The following SMYD3 variants were observed in gnomAD, a reference collection of about 807,000 sequenced individuals.
SMYD3 encodes histone-lysine N-methyltransferase SMYD3.
SMYD3 carries 36 observed loss-of-function variants against 57.7 expected under a neutral mutation model. The observed-to-expected ratio is 0.62, with a 90% CI of 0.48 to 0.82. The LOEUF is 0.82. SMYD3 is among the 40% of genes least tolerant of loss of function. The pLI is 0.00. For missense variants in SMYD3, 515 were observed against 538.8 expected (o/e 0.96, Z 0.44); for synonymous variants, 211 against 195.0 (o/e 1.08, Z -0.68).
intron 10 of SMYD3, among the ~76,000 whole-genome samples, chr1:245,815,523 C>T (rs2048755193): frequency 6.6e-6 from 1 of 152,192 alleles, no homozygotes; most frequent in Non-Finnish European, 1.5e-5. Context: ...GGGGCCTAGC[C>T]CCCAAGTGAC....
intron 5 of SMYD3, among the ~76,000 whole-genome samples, chr1:246,245,120 C>CTTTTTTTTTTTTTTTTTTTTTTTTTTTTT (rs74163421): frequency 3.3e-5 from 4 of 122,966 alleles, no homozygotes; most frequent in Non-Finnish European, 5.1e-5. Context: ...CAGCTACTGC[C>CTTTTTTTTTTTTTTTTTTTTTTTTTTTTT]TTTTTTTTTT....
At chr1:246,313,455 C>T (rs1228942038) in intron 5 of SMYD3, among the ~76,000 whole-genome samples, 1 of 152,226 alleles carries the variant, frequency 6.6e-6, no homozygotes, top group East Asian at 1.9e-4. Context: ...TGCCACCCAT[C>T]GGGGAAGGAA....
intron 1 of SMYD3, among the ~76,000 whole-genome samples, chr1:246,449,204 G>A (rs749407208): frequency 2.6e-5 from 4 of 151,988 alleles, no homozygotes; most frequent in Non-Finnish European, 5.9e-5. Context: ...TGCACTCCAC[G>A]TGGTCAACAG....
At chr1:245,918,548 G>A (rs2055619948) in intron 7 of SMYD3, among the ~76,000 whole-genome samples, 1 of 152,192 alleles carries the variant, frequency 6.6e-6, no homozygotes, top group African/African-American at 2.4e-5. Flanking sequence ...TCTGAAGCCA[G>A]GGTTGCCTCT....
intron 10 of SMYD3, among the ~76,000 whole-genome samples, chr1:245,845,649 C>G (rs80214265): frequency 1.3e-5 from 2 of 152,220 alleles, no homozygotes; most frequent in African/African-American, 4.8e-5. Context: ...GTGGGTCCTG[C>G]TGTTCCCTTG....
chr1:246,216,897 C>T (rs905468251), intron 5 of SMYD3, among the ~76,000 whole-genome samples: 2 of 152,202 alleles, frequency 1.3e-5, no homozygotes, highest in Admixed American at 6.5e-5. Context: ...GCACTGGAGG[C>T]TGTGTGTGGG....
intron 5 of SMYD3, among the ~76,000 whole-genome samples, chr1:246,099,241 A>G (rs1021529715): frequency 8.5e-5 from 13 of 152,176 alleles, no homozygotes; most frequent in African/African-American, 3.1e-4. Flanking sequence ...GCCGGCTGTG[A>G]ATAAACAGTT....
At position 246,254,195 on chromosome 1, in the gene SMYD3, T is replaced by C. The variant is rs150856599; in HGVS notation, c.531+73006A>G. ...AATTTTTACTTTTGTTGCAACTGCT[T>C]TTAAGGACTTAGCCATAAATTATTT... On this transcript the variant is annotated intron_variant, in intron 5 of 11. Transcript: ENST00000490107. Among the ~76,000 whole-genome samples, 468 of 152,336 alleles carry C rather than the reference T, an allele frequency of 3.1e-3. 1 individual carries two copies. The highest frequency in any genetic ancestry group is 0.011 in the African/African-American group (459 of 41,588).
chr1:246,434,922 A>C (rs554090496), intron 1 of SMYD3, among the ~76,000 whole-genome samples: 6 of 152,340 alleles, frequency 3.9e-5, no homozygotes, highest in African/African-American at 1.4e-4. Flanking sequence ...AGTGGTTTAG[A>C]TAAAGAAAAC....
chr1:246,048,599 G>T (rs1270350116), intron 5 of SMYD3, among the ~76,000 whole-genome samples: 1 of 152,024 alleles, frequency 6.6e-6, no homozygotes, highest in Non-Finnish European at 1.5e-5. Flanking sequence ...CAGTAGTAAG[G>T]GCTCTAGAGG....
chr1:246,065,690 C>T (rs2060328744), intron 5 of SMYD3, among the ~76,000 whole-genome samples: 1 of 152,198 alleles, frequency 6.6e-6, no homozygotes, highest in African/African-American at 2.4e-5. Flanking sequence ...ACCAAATTCA[C>T]ACCAGAAATT....
At chr1:246,454,231 C>T (rs1215983159) in intron 1 of SMYD3, among the ~76,000 whole-genome samples, 3 of 152,052 alleles carry the variant, frequency 2.0e-5, no homozygotes, top group Admixed American at 6.6e-5. Flanking sequence ...ATGCTTTAAC[C>T]GTCACCATTA....
intron 5 of SMYD3, among the ~76,000 whole-genome samples, chr1:246,220,177 T>C (rs1013090411): frequency 3.3e-5 from 5 of 152,076 alleles, no homozygotes; most frequent in African/African-American, 1.2e-4. Context: ...ACTACCTCCT[T>C]CCACATCTGT....
chr1:245,938,592 A>G (rs2057081314), intron 5 of SMYD3, among the ~76,000 whole-genome samples: 2 of 152,294 alleles, frequency 1.3e-5, no homozygotes, highest in African/African-American at 4.8e-5. Context: ...GCTTCATTCC[A>G]ACTCCTACAC....
intron 5 of SMYD3, among the ~76,000 whole-genome samples, chr1:245,935,802 T>C (rs957383208): frequency 6.6e-6 from 1 of 152,190 alleles, no homozygotes; most frequent in African/African-American, 2.4e-5. Context: ...AAATAATCCA[T>C]GATCTCACTT....
chr1:246,328,964 G>A (rs2065409533), intron 4 of SMYD3, among the ~76,000 whole-genome samples: 1 of 151,850 alleles, frequency 6.6e-6, no homozygotes, highest in Non-Finnish European at 1.5e-5. Context: ...CCTTGCAATA[G>A]TTTACTGAGA....
At chr1:246,221,605 G>A (rs1215246838) in intron 5 of SMYD3, among the ~76,000 whole-genome samples, 1 of 152,174 alleles carries the variant, frequency 6.6e-6, no homozygotes, top group African/African-American at 2.4e-5. Flanking sequence ...GTGCCAGACG[G>A]GAAAGCCGCT....
At chr1:246,169,219 T>A (rs2062277823) in intron 5 of SMYD3, among the ~76,000 whole-genome samples, 1 of 151,012 alleles carries the variant, frequency 6.6e-6, no homozygotes, top group African/African-American at 2.4e-5. Context: ...GGCCCAGGAG[T>A]CACGGGTAAG....
intron 1 of SMYD3, among the ~76,000 whole-genome samples, chr1:246,400,527 T>C (rs1458879429): frequency 6.6e-6 from 1 of 152,240 alleles, no homozygotes; most frequent in Non-Finnish European, 1.5e-5. Context: ...CATGCCACTG[T>C]GTCTGGATCC....
Sources: allele counts gnomAD v4.1 joint callset (sites outside exome capture counted in the v4.1 genomes callset), GRCh38; gene constraint gnomAD v4.1.1; transcripts MANE v1.5; gene names NCBI Gene and HGNC (gene_info 2026-07-23, HGNC 2026-07-21).